Variants in KMT2C observed in about 807,000 individuals in gnomAD.
KMT2C encodes lysine methyltransferase 2C.
A neutral mutation model predicts 507.9 loss-of-function variants in KMT2C; 88 were observed. The ratio of observed to expected loss-of-function variants is 0.17; its 90% confidence interval spans 0.15 to 0.21. The LOEUF (loss-of-function observed/expected upper bound fraction) is 0.21. Among genes scored for constraint, KMT2C ranks in the 10% least tolerant of loss-of-function variants. The pLI, the probability that KMT2C is intolerant of heterozygous loss-of-function variation, is 1.00. For missense variants in KMT2C, 4,954 were observed against 5,957.8 expected, an observed-to-expected ratio of 0.83 and a Z score of 5.55; for synonymous variants, 2,049 against 2,080.8, an observed-to-expected ratio of 0.98 and a Z score of 0.42.
At chr7:152,366,079 T>A (rs896337288) in intron 1 of KMT2C, among the ~76,000 whole-genome samples, 1 of 150,924 alleles carries the variant, frequency 6.6e-6, no homozygotes, top group Non-Finnish European at 1.5e-5. Flanking sequence ...CTGTGAAAAA[T>A]AAAAAAAAGA....
rs537518997 is a variant in KMT2C, at chr7:152,367,487, G to C, written c.162-8812C>G. 20 of 867,686 alleles carry C rather than the reference G, an allele frequency of 2.3e-5. 2 individuals are homozygous for C. The African/African-American group carries it at 2.8e-4, about 12-fold the overall frequency. 53.7% of individuals were successfully genotyped at this position (867,686 alleles called of 1,614,324 possible). On this transcript the variant is annotated intron_variant, in intron 1 of 58. Coordinates refer to ENST00000262189, the MANE Select transcript of KMT2C (RefSeq NM_170606.3). ...CCCACCTCGGCCTCCCAAAGTTCTGGGATTACAGGTGTGAGCCACCTTACC... is the reference window on the plus strand; with the variant it reads ...CCCACCTCGGCCTCCCAAAGTTCTGCGATTACAGGTGTGAGCCACCTTACC...
chr7:152,387,644 G>T (rs1228221726), intron 1 of KMT2C, among the ~76,000 whole-genome samples: 7 of 152,086 alleles, frequency 4.6e-5, no homozygotes, highest in Admixed American at 4.6e-4. Flanking sequence ...CTAATTTTTT[G>T]TATTTTTTAG....
intron 1 of KMT2C, among the ~76,000 whole-genome samples, chr7:152,391,327 C>G (rs2097495580): frequency 6.6e-6 from 1 of 151,364 alleles, no homozygotes; most frequent in Non-Finnish European, 1.5e-5. Flanking sequence ...ACTGCAACCT[C>G]CGCCTCCCGG....
intron 2 of KMT2C, among the ~76,000 whole-genome samples, chr7:152,344,704 C>T (rs115456355): frequency 0.025 from 3,823 of 152,090 alleles, 165 homozygotes; most frequent in African/African-American, 0.087. Context: ...CCACAAAAGG[C>T]AGGCTGGGCA....
intron 1 of KMT2C, among the ~76,000 whole-genome samples, chr7:152,370,861 T>C (rs1201654911): frequency 6.6e-6 from 1 of 152,224 alleles, no homozygotes; most frequent in Non-Finnish European, 1.5e-5. Context: ...AGTCTACATC[T>C]GCTTTCATGC....
intron 11 of KMT2C, 83 bp downstream of exon 11, chr7:152,251,856 C>T: frequency 1.1e-6 from 1 of 912,372 alleles, no homozygotes; most frequent in Non-Finnish European, 1.5e-6. Context: ...TCCTCTCTTC[C>T]TGATTAAAGC....
chr7:152,356,296 C>G (rs912959254), intron 2 of KMT2C, among the ~76,000 whole-genome samples: 6 of 152,036 alleles, frequency 3.9e-5, no homozygotes, highest in African/African-American at 1.4e-4. Context: ...ATCAAAGGGC[C>G]GGGCATAGTG....
In KMT2C at chr7:152,195,976, C is replaced by T; in HGVS notation, c.4309G>A (p.Val1437Ile). The T allele has an allele frequency of 6.2e-7, 1 of 1,609,620 alleles. No homozygotes were observed. Among genetic ancestry groups the T allele is most frequent in the Non-Finnish European group, 8.5e-7 (1 of 1,176,900 alleles). Residue 1437 changes from valine (V) to isoleucine (I), a missense_variant, in exon 28 of 59, where the codon GTT (valine) becomes ATT (isoleucine). Transcript: ENST00000262189. The stretch of plus-strand genomic sequence containing the variant: ...AGAATGTCATCATCTGTGTTTAAAA[C>T]TTCAGAAATATCAGCTAATGGGTCA... Reference protein sequence around the residue: ...ADDPLADISEVLNTDDDILGI... With the variant: ...ADDPLADISEILNTDDDILGI...
chr7:152,243,711 G>A (rs562278480), intron 14 of KMT2C, among the ~76,000 whole-genome samples: 1 of 152,282 alleles, frequency 6.6e-6, no homozygotes, highest in African/African-American at 2.4e-5. Flanking sequence ...CTTGAGCCAG[G>A]GAGGCAGAGG....
At chr7:152,149,444 C>A (rs944425916) in intron 51 of KMT2C, among the ~76,000 whole-genome samples, 2 of 152,146 alleles carry the variant, frequency 1.3e-5, no homozygotes, top group Non-Finnish European at 2.9e-5. Context: ...TGGGACAATC[C>A]CCTTTCTAAC....
chr7:152,249,681 A>C (rs1364515410), intron 13 of KMT2C, among the ~76,000 whole-genome samples, 195 bp downstream of exon 13: 2 of 139,626 alleles, frequency 1.4e-5, no homozygotes, highest in African/African-American at 6.5e-5. Context: ...TCCAAAAAAA[A>C]AAAAAAAAAA....
chr7:152,201,293 GACACACACACACACACACACACACAC>G (rs3839689), intron 26 of KMT2C, among the ~76,000 whole-genome samples: 2 of 136,950 alleles, frequency 1.5e-5, no homozygotes, highest in Non-Finnish European at 1.6e-5. Context: ...TACAGACACA[GACACACACACACACACACACACACAC>G]ACACACACAC....
chr7:152,186,094 T>A (rs1012437932), intron 33 of KMT2C, among the ~76,000 whole-genome samples: 1 of 152,170 alleles, frequency 6.6e-6, no homozygotes, highest in Non-Finnish European at 1.5e-5. Flanking sequence ...ACCATTTATA[T>A]GAAACTCAGT....
At chr7:152,304,774 C>G (rs944336662) in intron 6 of KMT2C, among the ~76,000 whole-genome samples, 10 of 152,100 alleles carry the variant, frequency 6.6e-5, no homozygotes, top group Admixed American at 2.6e-4. Flanking sequence ...CTCCTGGGCT[C>G]AAGAAATCCT....
chr7:152,152,772 G>A lies in KMT2C; in HGVS notation c.12459C>T (p.Asn4153=), dbSNP rs752357757. 5.6e-6 allele frequency: 9 copies of A among 1,614,190 alleles called. No homozygotes were observed. In the South Asian group the frequency reaches 8.8e-5, roughly 16 times the overall value. The part of the protein sequence containing the change: ...LLRGPPPGSA[N]PPRLVSSYRL... ...GGTAAGAGCTCACTAATCTGGGAGGGTTTGCAGATCCTGGCGGAGGCCCAC... is the reference window on the plus strand; with the variant it reads ...GGTAAGAGCTCACTAATCTGGGAGGATTTGCAGATCCTGGCGGAGGCCCAC... Residue 4153 remains asparagine, a synonymous_variant, in exon 49 of 59, where the codon AAC becomes AAT. Coordinates refer to ENST00000262189, the MANE Select transcript of KMT2C (RefSeq NM_170606.3).
chr7:152,389,348 G>A (rs1385496028), intron 1 of KMT2C, among the ~76,000 whole-genome samples: 6 of 103,256 alleles, frequency 5.8e-5, no homozygotes, highest in Admixed American at 3.2e-4. Context: ...GTGAGACTCC[G>A]TCTCAAAAAA....
At chr7:152,255,748 G>A (rs2129168854) in intron 9 of KMT2C, among the ~76,000 whole-genome samples, 1 of 152,302 alleles carries the variant, frequency 6.6e-6, no homozygotes, top group Non-Finnish European at 1.5e-5. Flanking sequence ...GGAATCTCAA[G>A]TCACTAGGGC....
chr7:152,140,783 G>C (rs915754605), intron 55 of KMT2C, among the ~76,000 whole-genome samples: 11 of 152,326 alleles, frequency 7.2e-5, no homozygotes, highest in Non-Finnish European at 1.5e-4. Context: ...GGCCATGTGA[G>C]AGACTTTAGT....
Position 152,226,219 on chromosome 7 carries a change from C to CTTTTTT in KMT2C, c.2977-1609_2977-1604dup, listed in dbSNP as rs869076803. Among the ~76,000 whole-genome samples, 43 of 94,944 alleles carry CTTTTTT rather than the reference C, an allele frequency of 4.5e-4. 3 individuals are homozygous for CTTTTTT. Among genetic ancestry groups the CTTTTTT allele is most frequent in the African/African-American group, 1.6e-3 (39 of 23,964 alleles). The allele number at this position is 94,944 out of a possible 152,430, so 62.3% of individuals were successfully genotyped here. The stretch of plus-strand genomic sequence containing the variant: ...AAGAGTTGGTTGTTCATTACAAGGC[C>CTTTTTT]TTTTTTTTTTTTTTTTTTTTTTTTT... On this transcript the variant is annotated intron_variant, in intron 18 of 58. Transcript: ENST00000262189.
Sources: allele counts gnomAD v4.1 joint callset (sites outside exome capture counted in the v4.1 genomes callset), GRCh38; gene constraint gnomAD v4.1.1; transcripts MANE v1.5; gene names NCBI Gene and HGNC (gene_info 2026-07-23, HGNC 2026-07-21).